EPB41L3: variants seen among roughly 807,000 people sequenced by gnomAD.
EPB41L3 encodes the protein erythrocyte membrane protein band 4.1 like 3.
Under a neutral mutation model 127.1 loss-of-function variants are expected in EPB41L3, and 57 were observed. The ratio of observed to expected loss-of-function variants is 0.45; its 90% CI spans 0.36 to 0.56. EPB41L3 has a LOEUF of 0.56. EPB41L3 is among the 20% of genes least tolerant of loss of function. EPB41L3 has a pLI of 0.00. For synonymous variants in EPB41L3, 572 were observed against 549.5 expected, an observed-to-expected ratio of 1.04 and a Z score of -0.57; for missense variants, 1,273 against 1,372.2, an observed-to-expected ratio of 0.93 and a Z score of 1.14.
chr18:5,407,604 A>T (rs1285425279), intron 15 of EPB41L3, 97 bp downstream of exon 15: 1 of 1,282,480 alleles, frequency 7.8e-7, no homozygotes, highest in East Asian at 2.3e-5. Flanking sequence ...CCAGCTACAG[A>T]GCATGCTGAA....
At chr18:5,453,738 C>T (rs2082611142) in intron 3 of EPB41L3, among the ~76,000 whole-genome samples, 1 of 152,116 alleles carries the variant, frequency 6.6e-6, no homozygotes, top group Non-Finnish European at 1.5e-5. Context: ...ATTTCTGCTC[C>T]CTGAGGATGG....
intron 3 of EPB41L3, among the ~76,000 whole-genome samples, chr18:5,460,015 T>C (rs765400803): frequency 6.6e-6 from 1 of 152,220 alleles, no homozygotes; most frequent in Admixed American, 6.5e-5. Context: ...GCAGTGAGCA[T>C]AGTATCCAAT....
Position 5,428,383 on chromosome 18 carries a change from A to G in EPB41L3, c.995T>C (p.Phe332Ser). ...AATCTTTAGAACCTTGGGCCAGGCAAATCTGTTTATTCGCAGCCGGTCGCG... is the reference window on the plus strand; with the variant it reads ...AATCTTTAGAACCTTGGGCCAGGCAGATCTGTTTATTCGCAGCCGGTCGCG... ...IYRDRLRINR[F>S]AWPKVLKISY... is the part of the protein sequence containing the mutation. Residue 332 changes from phenylalanine (F) to serine (S), a missense_variant, in exon 9 of 23, where the codon TTT becomes TCT. By Grantham distance (155) the Phe-to-Ser change is radical (BLOSUM62 -2). Coordinates refer to ENST00000341928, the MANE Select transcript of EPB41L3 (RefSeq NM_012307.5). 1 of 1,614,174 alleles carries G rather than the reference A, an allele frequency of 6.2e-7. No individual in the cohort carries two copies. The highest frequency in any genetic ancestry group is 8.5e-7 in the Non-Finnish European group (1 of 1,180,030).
At chr18:5,428,779 C>G (rs555074003) in intron 8 of EPB41L3, among the ~76,000 whole-genome samples, 1 of 152,284 alleles carries the variant, frequency 6.6e-6, no homozygotes, top group East Asian at 1.9e-4. Context: ...ACAGTTCTCA[C>G]TTGTCAATTG....
In EPB41L3 at chr18:5,566,763, T is replaced by C. The variant is rs142474401; in HGVS notation, c.-306+45577A>G. ...TATTCTATTCTATTCTATTCTATTC[T>C]ATTCTATTCTATTCTATTCTATTCT... On this transcript the variant is annotated intron_variant, in intron 3 of 21. Transcript: ENST00000545076. Among the ~76,000 whole-genome samples the C allele has an allele frequency of 3.0e-3, 420 of 140,472 alleles. 9 individuals carry two copies. The East Asian group carries it at 0.048, about 16-fold the overall frequency. 92.2% of individuals were successfully genotyped at this position (140,472 alleles called of 152,430 possible). A position where few individuals can be genotyped will look rare whatever the true frequency, so the allele number is the denominator to read the frequency against.
At chr18:5,425,623 C>G (rs2078065379) in intron 9 of EPB41L3, among the ~76,000 whole-genome samples, 1 of 152,098 alleles carries the variant, frequency 6.6e-6, no homozygotes, top group Admixed American at 6.6e-5. Context: ...TTATTAATAT[C>G]TATTTCTCTG....
intron 1 of EPB41L3, among the ~76,000 whole-genome samples, chr18:5,626,531 G>A (rs893661311): frequency 3.3e-5 from 5 of 152,118 alleles, no homozygotes; most frequent in African/African-American, 9.7e-5. Context: ...TACTAATTGT[G>A]CTTCTTGCTA....
rs1204781035 is a variant in EPB41L3, at chr18:5,407,101, T to C, written c.2158-133A>G. The C allele has an allele frequency of 4.1e-6, 3 of 733,442 alleles. No individual in the cohort carries two copies. In the African/African-American group the frequency reaches 5.3e-5, roughly 13 times the overall value. The allele number at this position is 733,442 out of a possible 1,614,324, so 45.4% of individuals were successfully genotyped here. A position where few individuals can be genotyped will look rare whatever the true frequency, so the allele number is the denominator to read the frequency against. ...AAAACAAAATTTTGATCAAGGCTCA[T>C]GGCACTACCACAAACACTCTGGTGA... is the stretch of plus-strand genomic sequence containing the variant. On this transcript the variant is annotated intron_variant, in intron 15 of 22. Coordinates refer to ENST00000341928, the MANE Select transcript of EPB41L3 (RefSeq NM_012307.5).
rs371585914 is a variant in EPB41L3 at position 5,499,831 on chromosome 18, A to G, written c.-11-10637T>C. Among the ~76,000 whole-genome samples, 663 of 117,214 alleles carry G rather than the reference A, an allele frequency of 5.7e-3. 23 individuals carry two copies. Among genetic ancestry groups the G allele is most frequent in the Middle Eastern group, 8.9e-3 (2 of 224 alleles). 76.9% of individuals were successfully genotyped at this position (117,214 alleles called of 152,430 possible). The stretch of plus-strand genomic sequence containing the variant: ...TACTACATACTTACTATGTGTGTGT[A>G]TATATATATATATATATGGCATTAC... On this transcript the variant is annotated intron_variant, in intron 1 of 22. Transcript: ENST00000341928.
chr18:5,613,416 C>A (rs1475968673), intron 2 of EPB41L3, among the ~76,000 whole-genome samples: 1 of 152,188 alleles, frequency 6.6e-6, no homozygotes, highest in Non-Finnish European at 1.5e-5. Flanking sequence ...CGAGGAATGT[C>A]CAAATGCGAC....
At chr18:5,545,181 T>C (rs2093855634), upstream of EPB41L3, among the ~76,000 whole-genome samples, 1 of 152,172 alleles carries the variant, frequency 6.6e-6, no homozygotes, top group Non-Finnish European at 1.5e-5. Flanking sequence ...GTGTTGTACA[T>C]CAGATCCCTT....
In EPB41L3 at chr18:5,445,135, C is replaced by T; in HGVS notation, c.486+5G>A. On this transcript the variant is annotated splice_donor_5th_base_variant and intron_variant, in intron 4 of 22. Coordinates refer to ENST00000341928, the MANE Select transcript of EPB41L3 (RefSeq NM_012307.5). ...TCTTATTTTGCATTGCTTTTGATCACTCACCTTCTGGTTTTCAGCATCTCG... is the reference window on the plus strand; with the variant it reads ...TCTTATTTTGCATTGCTTTTGATCATTCACCTTCTGGTTTTCAGCATCTCG... 6.2e-7 allele frequency: 1 copy of T among 1,612,272 alleles called. No individual in the cohort carries two copies. The highest frequency in any genetic ancestry group is 8.5e-7 in the Non-Finnish European group (1 of 1,178,438).
At chr18:5,522,313 G>A (rs146515854) in intron 1 of EPB41L3, among the ~76,000 whole-genome samples, 2,467 of 152,078 alleles carry the variant, frequency 0.016, 56 homozygotes, top group African/African-American at 0.056. Context: ...TAGTAGAGAT[G>A]GAGTTTCACC....
Position 5,424,354 on chromosome 18 carries a change from T to C in EPB41L3, c.1071A>G (p.Glu357=). ...FYIKIRPGEF[E]QFESTIGFKL... is the part of the protein sequence containing the mutation. ...TAAACCCAATGGTGCTTTCAAATTG[T>C]TCAAACTAAATAAAAAAAAATACAT... The change falls in exon 10 of 23, where the codon GAA becomes GAG. Residue 357 remains glutamate, a synonymous_variant. Coordinates refer to ENST00000341928, the MANE Select transcript of EPB41L3 (RefSeq NM_012307.5). 1.3e-6 allele frequency: 2 copies of C among 1,593,166 alleles called. No homozygotes were observed. The highest frequency in any genetic ancestry group is 1.7e-6 in the Non-Finnish European group (2 of 1,172,534).
At chr18:5,520,106 T>G (rs763253921) in intron 1 of EPB41L3, among the ~76,000 whole-genome samples, 2 of 152,112 alleles carry the variant, frequency 1.3e-5, no homozygotes, top group Non-Finnish European at 2.9e-5. Flanking sequence ...TTCAAAGATG[T>G]CAAATGAGAG....
intron 1 of EPB41L3, among the ~76,000 whole-genome samples, chr18:5,540,048 T>G (rs1447764462): frequency 1.3e-5 from 2 of 152,188 alleles, no homozygotes; most frequent in African/African-American, 4.8e-5. Context: ...TTAAAAGACA[T>G]TACTAATAAC....
intron 2 of EPB41L3, among the ~76,000 whole-genome samples, chr18:5,481,899 G>T (rs916295551): frequency 1.3e-5 from 2 of 152,106 alleles, no homozygotes; most frequent in African/African-American, 4.8e-5. Context: ...AAATTTCTAA[G>T]CAAACATATC....
chr18:5,535,496 A>C (rs1178429123), intron 1 of EPB41L3, among the ~76,000 whole-genome samples: 11 of 152,318 alleles, frequency 7.2e-5, no homozygotes, highest in Non-Finnish European at 1.3e-4. Context: ...AAATGGTATA[A>C]AACACCAAAA....
intron 1 of EPB41L3, among the ~76,000 whole-genome samples, chr18:5,539,379 T>C (rs903401512): frequency 2.0e-5 from 3 of 152,178 alleles, no homozygotes; most frequent in Non-Finnish European, 4.4e-5. Context: ...ACAAAAGAAT[T>C]GGTGCTAATA....
Sources: allele counts gnomAD v4.1 joint callset (sites outside exome capture counted in the v4.1 genomes callset), GRCh38; gene constraint gnomAD v4.1.1; transcripts MANE v1.5; gene names NCBI Gene and HGNC (gene_info 2026-07-23, HGNC 2026-07-21).